Variants in FMN2 observed in about 807,000 individuals in gnomAD.
The protein encoded by FMN2 is formin-2.
FMN2 carries 51 observed loss-of-function variants against 142.3 expected under a neutral mutation model. The ratio of observed to expected loss-of-function variants is 0.36; its 90% CI spans 0.29 to 0.45. The LOEUF is 0.45. Among genes scored for constraint, FMN2 ranks in the 20% least tolerant of loss-of-function variants. The pLI, the probability that FMN2 is intolerant of heterozygous loss-of-function variation, is 1.00. For synonymous variants in FMN2, 882 were observed against 869.8 expected (o/e 1.01, Z -0.25); for missense variants, 1,936 against 2,122.8 (o/e 0.91, Z 1.73).
chr1:240,378,569 G>T (rs555182910), intron 14 of FMN2, among the ~76,000 whole-genome samples: 1 of 151,980 alleles, frequency 6.6e-6, no homozygotes, highest in South Asian at 2.1e-4. Flanking sequence ...TCCATCTCTC[G>T]GTTTGTTCTG....
At chr1:240,469,791 A>G (rs1373733257) in intron 16 of FMN2, among the ~76,000 whole-genome samples, 1 of 152,150 alleles carries the variant, frequency 6.6e-6, no homozygotes, top group African/African-American at 2.4e-5. Context: ...ATTGTCATTT[A>G]CTTGCTCATG....
At chr1:240,401,612 G>C (rs1018012530) in intron 15 of FMN2, among the ~76,000 whole-genome samples, 1 of 152,186 alleles carries the variant, frequency 6.6e-6, no homozygotes, top group African/African-American at 2.4e-5. Flanking sequence ...TTTTGTGCTT[G>C]ATTTTTAAAA....
intron 4 of FMN2, among the ~76,000 whole-genome samples, chr1:240,193,372 C>A (rs982985272): frequency 6.6e-6 from 1 of 152,108 alleles, no homozygotes; most frequent in African/African-American, 2.4e-5. Context: ...ACCTCTTTCA[C>A]GTACATGAAA....
intron 7 of FMN2, among the ~76,000 whole-genome samples, chr1:240,281,540 A>G (rs189721861): frequency 4.5e-4 from 69 of 152,272 alleles, no homozygotes; most frequent in African/African-American, 1.6e-3. Flanking sequence ...CAATGAATCA[A>G]TGATGTTTTC....
chr1:240,392,976 T>C (rs911710672), intron 15 of FMN2, among the ~76,000 whole-genome samples: 1 of 116,724 alleles, frequency 8.6e-6, no homozygotes, highest in Non-Finnish European at 1.7e-5. Flanking sequence ...GACTTGCAAT[T>C]ATGGGTAAAC....
chr1:240,092,634 CAGCTCG>C lies in FMN2; in HGVS notation c.526_531del (p.Ser176_Ser177del). 6.2e-7 allele frequency: 1 copy of C among 1,614,112 alleles called. No individual in the cohort carries two copies. The highest frequency in any genetic ancestry group is 8.5e-7 in the Non-Finnish European group (1 of 1,180,020). On this transcript the variant is annotated inframe_deletion, in exon 1 of 18. Coordinates refer to ENST00000319653, the MANE Select transcript of FMN2 (RefSeq NM_020066.5). ...CAGGGGCGCAGGATGGACAAAGGACCAGCTCGGGCTCGGACACGGACATCTATAGCT... is the reference window on the plus strand; with the variant it reads ...CAGGGGCGCAGGATGGACAAAGGACCGGCTCGGACACGGACATCTATAGCT...
At chr1:240,367,084 G>C (rs1672697269) in intron 14 of FMN2, among the ~76,000 whole-genome samples, 1 of 152,092 alleles carries the variant, frequency 6.6e-6, no homozygotes, top group African/African-American at 2.4e-5. Context: ...TACCAGCACC[G>C]AGTTCTTTGA....
intron 14 of FMN2, among the ~76,000 whole-genome samples, chr1:240,358,325 T>C (rs182899427): frequency 1.3e-3 from 195 of 152,304 alleles, no homozygotes; most frequent in African/African-American, 4.3e-3. Context: ...AAAAAACCTA[T>C]GTACATCAAA....
At chr1:240,214,780 A>C (rs963183635) in intron 6 of FMN2, among the ~76,000 whole-genome samples, 1 of 151,866 alleles carries the variant, frequency 6.6e-6, no homozygotes, top group African/African-American at 2.4e-5. Flanking sequence ...TAAAAAGTTT[A>C]ACCCACTGGG....
intron 15 of FMN2, among the ~76,000 whole-genome samples, chr1:240,402,925 G>T (rs986698524): frequency 6.6e-6 from 1 of 152,036 alleles, no homozygotes; most frequent in African/African-American, 2.4e-5. Context: ...AATTCTACAG[G>T]TAAAAACTAT....
intron 2 of FMN2, among the ~76,000 whole-genome samples, chr1:240,136,660 A>G (rs1662952778): frequency 2.0e-5 from 3 of 152,138 alleles, no homozygotes; most frequent in African/African-American, 4.8e-5. Context: ...CTTTTCTGTC[A>G]TGATTTTCTT....
chr1:240,187,375 G>A (rs932798108), intron 3 of FMN2, among the ~76,000 whole-genome samples: 4 of 151,500 alleles, frequency 2.6e-5, no homozygotes, highest in East Asian at 2.0e-4. Flanking sequence ...GGGGTGCAAC[G>A]CGACAGTCAG....
intron 15 of FMN2, among the ~76,000 whole-genome samples, chr1:240,400,158 C>A (rs1673924824): frequency 6.6e-6 from 1 of 152,202 alleles, no homozygotes; most frequent in South Asian, 2.1e-4. Flanking sequence ...CAAGAAGGAT[C>A]CTTTTGGGAT....
At chr1:240,176,734 G>C (rs906055225) in intron 2 of FMN2, among the ~76,000 whole-genome samples, 2 of 152,122 alleles carry the variant, frequency 1.3e-5, no homozygotes, top group Middle Eastern at 3.2e-3. Flanking sequence ...TCTGGTGTTG[G>C]TCGAGATAGG....
intron 4 of FMN2, among the ~76,000 whole-genome samples, chr1:240,202,179 G>C (rs985288099): frequency 2.0e-5 from 3 of 152,182 alleles, no homozygotes; most frequent in Non-Finnish European, 2.9e-5. Context: ...ACGGGAAGGG[G>C]AGGATGGAGA....
intron 13 of FMN2, among the ~76,000 whole-genome samples, chr1:240,351,342 C>T (rs1181610405): frequency 6.6e-6 from 1 of 152,090 alleles, no homozygotes; most frequent in African/African-American, 2.4e-5. Context: ...TAAGAATGCA[C>T]ATGACTTGAA....
intron 1 of FMN2, among the ~76,000 whole-genome samples, chr1:240,094,222 C>T (rs953897512): frequency 6.6e-6 from 1 of 152,160 alleles, no homozygotes; most frequent in Admixed American, 6.5e-5. Context: ...TATTTGTCCA[C>T]GTTTGGTATG....
At chr1:240,415,538 A>AG in intron 15 of FMN2, among the ~76,000 whole-genome samples, 1 of 152,076 alleles carries the variant, frequency 6.6e-6, no homozygotes, top group South Asian at 2.1e-4. Context: ...AATAAAAAAA[A>AG]AAAAAATTGA....
chr1:240,293,648 A>G (rs1013244561), intron 7 of FMN2, among the ~76,000 whole-genome samples: 2 of 152,132 alleles, frequency 1.3e-5, no homozygotes, highest in Non-Finnish European at 2.9e-5. Flanking sequence ...GGTCTAATGA[A>G]TAAGATTTGT....
Sources: allele counts gnomAD v4.1 joint callset (sites outside exome capture counted in the v4.1 genomes callset), GRCh38; gene constraint gnomAD v4.1.1; transcripts MANE v1.5; gene names NCBI Gene and HGNC (gene_info 2026-07-23, HGNC 2026-07-21).